Variants in SGMS1 observed in about 807,000 individuals in gnomAD.
SGMS1 encodes the protein phosphatidylcholine:ceramide cholinephosphotransferase 1.
A neutral mutation model predicts 46.2 loss-of-function variants in SGMS1; 13 were observed. That is an observed-to-expected ratio of 0.28 (90% confidence interval 0.18 to 0.45). SGMS1 has a LOEUF of 0.45. SGMS1 is among the 20% of genes least tolerant of loss of function. SGMS1 has a pLI of 1.00. For synonymous variants in SGMS1, 203 were observed against 187.8 expected (o/e 1.08, Z -0.66); for missense variants, 324 against 519.9 (o/e 0.62, Z 3.66).
intron 5 of SGMS1, among the ~76,000 whole-genome samples, chr10:50,454,669 T>A (rs1192472448): frequency 6.6e-6 from 1 of 152,180 alleles, no homozygotes; most frequent in East Asian, 1.9e-4. Flanking sequence ...AGCAATTTAT[T>A]ATTATTTTAC....
intron 6 of SGMS1, among the ~76,000 whole-genome samples, chr10:50,425,959 A>G (rs975193022): frequency 3.3e-5 from 5 of 152,210 alleles, no homozygotes; most frequent in African/African-American, 1.2e-4. Context: ...ATGTACAAAG[A>G]TATTCATTGA....
intron 6 of SGMS1, among the ~76,000 whole-genome samples, chr10:50,353,693 T>C (rs999348324): frequency 6.6e-6 from 1 of 152,290 alleles, no homozygotes; most frequent in African/African-American, 2.4e-5. Flanking sequence ...GAAAACCCCA[T>C]CGTCTCAGCC....
chr10:50,482,746 T>G (rs1343315466), intron 3 of SGMS1, among the ~76,000 whole-genome samples: 1 of 152,110 alleles, frequency 6.6e-6, no homozygotes, highest in Non-Finnish European at 1.5e-5. Flanking sequence ...ATGCCCCAAT[T>G]AAAAGACACA....
At chr10:50,479,342 AACTC>A (rs565644381) in intron 3 of SGMS1, among the ~76,000 whole-genome samples, 200 of 152,224 alleles carry the variant, frequency 1.3e-3, no homozygotes, top group African/African-American at 4.5e-3. Flanking sequence ...TTCATGCACT[AACTC>A]ACTGCCCTAA....
chr10:50,476,097 CAAAAAAAA>C (rs58641986), intron 3 of SGMS1, among the ~76,000 whole-genome samples: 145 of 43,320 alleles, frequency 3.3e-3, no homozygotes, highest in Middle Eastern at 0.043. Flanking sequence ...ACTAAAAATA[CAAAAAAAA>C]AAAAAAAAAA....
At chr10:50,513,204 A>G (rs1479502455) in intron 3 of SGMS1, among the ~76,000 whole-genome samples, 1 of 152,198 alleles carries the variant, frequency 6.6e-6, no homozygotes, top group Non-Finnish European at 1.5e-5. Context: ...AACCAAGAAG[A>G]ACCTTGCTTC....
chr10:50,589,425 C>T (rs1198641925), intron 2 of SGMS1, among the ~76,000 whole-genome samples: 2 of 152,004 alleles, frequency 1.3e-5, no homozygotes, highest in East Asian at 3.9e-4. Context: ...CCATGACTGG[C>T]TAAATTTTTA....
At chr10:50,341,793 CA>C (rs764690382) in intron 7 of SGMS1, among the ~76,000 whole-genome samples, 5 of 152,056 alleles carry the variant, frequency 3.3e-5, no homozygotes, top group Non-Finnish European at 7.4e-5. Context: ...CAGGAAAACG[CA>C]AAATCATAAA....
At chr10:50,559,764 A>T (rs1588876833) in intron 2 of SGMS1, among the ~76,000 whole-genome samples, 1 of 152,226 alleles carries the variant, frequency 6.6e-6, no homozygotes, top group East Asian at 1.9e-4. Flanking sequence ...TAACAGGCAC[A>T]TGGGACAAAA....
chr10:50,483,012 C>T (rs925353207), intron 3 of SGMS1, among the ~76,000 whole-genome samples: 16 of 152,140 alleles, frequency 1.1e-4, no homozygotes, highest in Non-Finnish European at 2.1e-4. Context: ...GCTAATTATC[C>T]TAAACATATA....
chr10:50,330,662 T>C (rs1029559690), intron 7 of SGMS1, among the ~76,000 whole-genome samples: 3 of 152,210 alleles, frequency 2.0e-5, no homozygotes, highest in African/African-American at 7.2e-5. Flanking sequence ...CTGGAAGCTA[T>C]TAGCTTTTAG....
At chr10:50,518,301 G>GA (rs1321632230) in intron 3 of SGMS1, among the ~76,000 whole-genome samples, 1 of 151,960 alleles carries the variant, frequency 6.6e-6, no homozygotes, top group African/African-American at 2.4e-5. Flanking sequence ...TAGAAGAACA[G>GA]AAATACAAGT....
At chr10:50,519,260 C>G (rs1199292227) in intron 3 of SGMS1, among the ~76,000 whole-genome samples, 2 of 152,200 alleles carry the variant, frequency 1.3e-5, no homozygotes, top group East Asian at 1.9e-4. Context: ...AACGATAACA[C>G]TAGAGACACT....
intron 6 of SGMS1, among the ~76,000 whole-genome samples, chr10:50,416,082 G>C (rs559145384): frequency 6.6e-6 from 1 of 152,308 alleles, no homozygotes; most frequent in Admixed American, 6.5e-5. Context: ...GCCTTCTAGA[G>C]TAAATGCATA....
chr10:50,437,228 C>T (rs927210928), intron 5 of SGMS1, among the ~76,000 whole-genome samples: 6 of 152,170 alleles, frequency 3.9e-5, no homozygotes, highest in African/African-American at 1.4e-4. Context: ...AATGTTCCAG[C>T]CCACTTCACT....
At chr10:50,507,380 T>C (rs1405917689) in intron 3 of SGMS1, among the ~76,000 whole-genome samples, 1 of 152,238 alleles carries the variant, frequency 6.6e-6, no homozygotes, top group Non-Finnish European at 1.5e-5. Context: ...CATGCAGCTC[T>C]TCTGAGCGAC....
intron 1 of SGMS1, among the ~76,000 whole-genome samples, chr10:50,605,488 A>G (rs1332613674): frequency 6.6e-6 from 1 of 152,234 alleles, no homozygotes; most frequent in Non-Finnish European, 1.5e-5. Flanking sequence ...GAGCTATCAG[A>G]GCAAAAGATA....
intron 2 of SGMS1, among the ~76,000 whole-genome samples, chr10:50,550,846 G>A (rs1009103876): frequency 5.3e-5 from 8 of 152,160 alleles, no homozygotes; most frequent in African/African-American, 1.7e-4. Context: ...ACTCCCGAAG[G>A]CCAAAGCTGG....
intron 6 of SGMS1, among the ~76,000 whole-genome samples, chr10:50,401,232 T>C (rs1214138486): frequency 1.3e-5 from 2 of 152,232 alleles, no homozygotes; most frequent in Non-Finnish European, 2.9e-5. Flanking sequence ...AATTATTTTA[T>C]TAACCTTTGG....
Sources: gnomAD v4.1 joint callset for allele counts (sites outside exome capture counted in the v4.1 genomes callset) on GRCh38, gnomAD v4.1.1 for gene constraint, MANE v1.5 for transcripts, NCBI Gene and HGNC (gene_info 2026-07-23, HGNC 2026-07-21) for gene names.